The following ZUP1 variants were observed in gnomAD, a reference collection of about 807,000 sequenced individuals.
The protein encoded by ZUP1 is zinc finger-containing ubiquitin peptidase 1.
Under a neutral mutation model 68.1 loss-of-function variants are expected in ZUP1, and 55 were observed. The observed-to-expected ratio is 0.81, with a 90% confidence interval of 0.65 to 1.01. ZUP1 has a LOEUF of 1.01. Ranked by LOEUF, ZUP1 falls within the 50% of genes least tolerant of loss-of-function variation. The pLI is 0.00. For synonymous variants in ZUP1, 223 were observed against 221.5 expected (o/e 1.01, Z -0.06); for missense variants, 684 against 674.9 (o/e 1.01, Z -0.15).
chr6:116,658,025 G>A (rs1480183285), intron 4 of ZUP1, among the ~76,000 whole-genome samples: 2 of 152,142 alleles, frequency 1.3e-5, no homozygotes, highest in African/African-American at 2.4e-5. Flanking sequence ...CCTAGAAGGC[G>A]GAGGTTGCAG....
chr6:116,656,503 A>G (rs572614229), intron 5 of ZUP1, among the ~76,000 whole-genome samples, 181 bp downstream of exon 5: 1 of 152,314 alleles, frequency 6.6e-6, no homozygotes, highest in South Asian at 2.1e-4. Flanking sequence ...ACATAATATA[A>G]AAGTAAATTT....
chr6:116,660,560 C>T (rs923758195), intron 3 of ZUP1, among the ~76,000 whole-genome samples, 176 bp downstream of exon 3: 1 of 152,160 alleles, frequency 6.6e-6, no homozygotes, highest in Non-Finnish European at 1.5e-5. Flanking sequence ...TGACCAAATA[C>T]AATATTCAGA....
Position 116,658,936 on chromosome 6 carries a change from T to C in ZUP1, c.671-12A>G. On this transcript the variant is annotated splice_polypyrimidine_tract_variant and intron_variant, in intron 3 of 9. Coordinates refer to ENST00000368576, the MANE Select transcript of ZUP1 (RefSeq NM_145062.3). ...GACTCTATCCATGCCTGTTAGGTATTGTTAATGTTCAGAATAAAATAACTG... is the reference window on the plus strand; with the variant it reads ...GACTCTATCCATGCCTGTTAGGTATCGTTAATGTTCAGAATAAAATAACTG... 1 of 1,594,618 alleles carries C rather than the reference T, an allele frequency of 6.3e-7. No homozygotes were observed. The highest frequency in any genetic ancestry group is 1.2e-5 in the South Asian group (1 of 86,140).
In ZUP1 at chr6:116,658,832, G is replaced by T; in HGVS notation, c.763C>A (p.Gln255Lys). The T allele has an allele frequency of 6.2e-7, 1 of 1,600,400 alleles. No homozygotes were observed. Among genetic ancestry groups the T allele is most frequent in the South Asian group, 1.1e-5 (1 of 90,236 alleles). The change falls in exon 4 of 10, where the codon CAA (glutamine) becomes AAA (lysine). Residue 255 changes from glutamine to lysine, a missense_variant. Gln to Lys is a moderately conservative substitution (Grantham distance 53, BLOSUM62 1). Coordinates refer to ENST00000368576, the MANE Select transcript of ZUP1 (RefSeq NM_145062.3). Reference protein sequence around the residue: ...DRKRRSEESRQEIEEFQKLQR... With the variant: ...DRKRRSEESRKEIEEFQKLQR... ...AGCTTCTGAAATTCTTCTATTTCTT[G>T]TCTTGATTCTTCAGATCTCCTCTTT... is the stretch of plus-strand genomic sequence containing the variant.
chr6:116,639,824 C>T (rs1776034383), intron 9 of ZUP1, among the ~76,000 whole-genome samples: 1 of 152,194 alleles, frequency 6.6e-6, no homozygotes, highest in African/African-American at 2.4e-5. Flanking sequence ...AGCAACGGAA[C>T]AAAGCTGGAC....
At chr6:116,637,456 A>C (rs1775939248) in intron 9 of ZUP1, among the ~76,000 whole-genome samples, 1 of 152,160 alleles carries the variant, frequency 6.6e-6, no homozygotes, top group African/African-American at 2.4e-5. Flanking sequence ...TTCCTTTTCT[A>C]CCTGGCAGTG....
chr6:116,635,985 T>C, intron 9 of ZUP1, 106 bp from the exon 10 acceptor site: 1 of 754,426 alleles, frequency 1.3e-6, no homozygotes, highest in Non-Finnish European at 1.9e-6. Flanking sequence ...TTTTTCAAGA[T>C]AATAATGAAA....
intron 2 of ZUP1, among the ~76,000 whole-genome samples, chr6:116,665,668 T>C (rs1776980814): frequency 6.7e-6 from 1 of 149,182 alleles, no homozygotes; most frequent in South Asian, 2.1e-4. Flanking sequence ...CAGCGTCCAC[T>C]TCCCAGGCTC....
intron 3 of ZUP1, 74 bp downstream of exon 3, chr6:116,660,662 A>ATTGTGTCCT: frequency 1.3e-6 from 1 of 775,142 alleles, no homozygotes; most frequent in Non-Finnish European, 2.0e-6. Context: ...CCATATCACA[A>ATTGTGTCCT]ATCTAAAAAT....
chr6:116,653,769 G>A (rs1418126955), intron 5 of ZUP1, among the ~76,000 whole-genome samples: 2 of 151,850 alleles, frequency 1.3e-5, no homozygotes, highest in African/African-American at 4.8e-5. Context: ...GGTGGAGTAG[G>A]GGACAGAAAA....
rs1418799108 is a variant in ZUP1 at position 116,651,078 on chromosome 6, A to G, written c.1316+494T>C. Among the ~76,000 whole-genome samples the G allele has an allele frequency of 2.6e-5, 4 of 152,184 alleles. No individual in the cohort carries two copies. The East Asian group carries it at 7.7e-4, about 29-fold the overall frequency. On this transcript the variant is annotated intron_variant, in intron 7 of 9. Transcript: ENST00000368576. Reference sequence around the variant, plus strand: ...GATTACATGACAGGTAGAGTGCAAAAACTTGAGGCCATGATGTCGTCACAT... The same window carrying G: ...GATTACATGACAGGTAGAGTGCAAAGACTTGAGGCCATGATGTCGTCACAT...
intron 7 of ZUP1, among the ~76,000 whole-genome samples, chr6:116,649,256 G>A (rs1403514939): frequency 6.6e-6 from 1 of 152,072 alleles, no homozygotes; most frequent in East Asian, 1.9e-4. Flanking sequence ...AAATAACTTA[G>A]AAACAAACAT....
In ZUP1 at chr6:116,667,934, A is replaced by T. The variant is rs989085206; in HGVS notation, c.-16+632T>A. Among the ~76,000 whole-genome samples the T allele has an allele frequency of 5.3e-5, 8 of 152,346 alleles. No individual in the cohort carries two copies. The East Asian group carries it at 1.5e-3, about 29-fold the overall frequency. On this transcript the variant is annotated intron_variant, in intron 1 of 9. Coordinates refer to ENST00000368576, the MANE Select transcript of ZUP1 (RefSeq NM_145062.3). ...AATCTCATCTCTCTGAGGTTCAGTC[A>T]AAGACTACTGTAAAATCCAAAGGTA...
rs1032287575 is a variant in ZUP1 at position 116,652,162 on chromosome 6, T to A, written c.992A>T (p.Gln331Leu). ...CCGTCTCACATCTGTGGCAGCATTC[T>A]GATAATACCTATGAAGTGCTTCAAT... ...GIIEALHRYYQNAATDVRRVW... is the reference protein window; with the variant it reads ...GIIEALHRYYLNAATDVRRVW... The change falls in exon 6 of 10, where the codon CAG becomes CTG. Residue 331 changes from glutamine (Q) to leucine (L), a missense_variant. By Grantham distance (113) the Gln-to-Leu change is moderately radical. Transcript: ENST00000368576. 2 of 1,613,692 alleles carry A rather than the reference T, an allele frequency of 1.2e-6. No individual in the cohort carries two copies. Among genetic ancestry groups the A allele is most frequent in the Admixed American group, 3.3e-5 (2 of 59,926 alleles).
At chr6:116,657,185 A>G (rs1220577788) in intron 4 of ZUP1, among the ~76,000 whole-genome samples, 1 of 152,222 alleles carries the variant, frequency 6.6e-6, no homozygotes, top group African/African-American at 2.4e-5. Flanking sequence ...GATTTTTTCA[A>G]GGAAACTTGT....
chr6:116,666,881 A>G lies in ZUP1; in HGVS notation c.312T>C (p.Ala104=). 2 of 1,611,014 alleles carry G rather than the reference A, an allele frequency of 1.2e-6. No individual in the cohort carries two copies. The highest frequency in any genetic ancestry group is 1.7e-6 in the Non-Finnish European group (2 of 1,179,012). The part of the protein sequence containing the change: ...GCASNHPKNS[A]QNLTKDSTLK... Reference sequence around the variant, plus strand: ...AAGTACTATCTTTAGTCAGGTTTTGAGCTGAATTTTTTGGATGATTAGATG... The same window carrying G: ...AAGTACTATCTTTAGTCAGGTTTTGGGCTGAATTTTTTGGATGATTAGATG... The change falls in exon 2 of 10, where the codon GCT becomes GCC. Residue 104 remains alanine (A), a synonymous_variant. Transcript: ENST00000368576.
chr6:116,652,302 T>A, intron 5 of ZUP1, 110 bp from the exon 6 acceptor site: 1 of 802,468 alleles, frequency 1.2e-6, no homozygotes. Context: ...TCCTGTTAAT[T>A]CCATCTTCTT....
chr6:116,640,563 C>T (rs1382396703), intron 9 of ZUP1, among the ~76,000 whole-genome samples: 1 of 151,830 alleles, frequency 6.6e-6, no homozygotes, highest in African/African-American at 2.4e-5. Context: ...AATTTTCAAC[C>T]CAGAATTTCA....
At chr6:116,637,554 T>C (rs1025267633) in intron 9 of ZUP1, among the ~76,000 whole-genome samples, 1 of 152,214 alleles carries the variant, frequency 6.6e-6, no homozygotes, top group African/African-American at 2.4e-5. Flanking sequence ...AAATGCACAG[T>C]GCAGAAAGCA....
Sources: gnomAD v4.1 joint callset for allele counts (sites outside exome capture counted in the v4.1 genomes callset) on GRCh38, gnomAD v4.1.1 for gene constraint, MANE v1.5 for transcripts, NCBI Gene and HGNC (gene_info 2026-07-23, HGNC 2026-07-21) for gene names.